The following MCTP2 variants were observed in gnomAD, a reference collection of about 807,000 sequenced individuals.
The protein encoded by MCTP2 is multiple C2 and transmembrane domain-containing protein 2.
Under a neutral mutation model 111.6 loss-of-function variants are expected in MCTP2, and 132 were observed. That is an observed-to-expected ratio of 1.18 (90% CI 1.03 to 1.37). MCTP2 has a LOEUF of 1.37. Among genes scored for constraint, MCTP2 ranks in the 40% most tolerant of loss-of-function variants. The pLI, the probability that MCTP2 is intolerant of heterozygous loss-of-function variation, is 0.00. For synonymous variants in MCTP2, 395 were observed against 387.7 expected, an observed-to-expected ratio of 1.02 and a Z score of -0.22; for missense variants, 1,183 against 1,067.9, an observed-to-expected ratio of 1.11 and a Z score of -1.50.
intron 4 of MCTP2, 86 bp downstream of exon 4, chr15:94,315,723 C>A: frequency 1.1e-6 from 1 of 942,218 alleles, no homozygotes; most frequent in Non-Finnish European, 1.7e-6. Context: ...CAGGCTTTGA[C>A]ATCACAGCAT....
chr15:94,437,122 AAAAGTATTTC>A, intron 17 of MCTP2, among the ~76,000 whole-genome samples: 1 of 150,398 alleles, frequency 6.6e-6, no homozygotes, highest in East Asian at 2.0e-4. Flanking sequence ...CATTGATCCA[AAAAGTATTTC>A]AAAAATTTCA....
chr15:94,324,966 A>T (rs2076791576), intron 4 of MCTP2, among the ~76,000 whole-genome samples: 1 of 152,210 alleles, frequency 6.6e-6, no homozygotes, highest in African/African-American at 2.4e-5. Flanking sequence ...GCAGCGGTGT[A>T]GCTTCCCAAC....
At chr15:94,293,805 G>A (rs981449915) in intron 1 of MCTP2, among the ~76,000 whole-genome samples, 2 of 152,164 alleles carry the variant, frequency 1.3e-5, no homozygotes, top group African/African-American at 4.8e-5. Flanking sequence ...AGAGTTATCA[G>A]GTTCTTTATA....
At chr15:94,338,488 A>AT (rs201502636) in intron 4 of MCTP2, among the ~76,000 whole-genome samples, 43,379 of 133,882 alleles carry the variant, frequency 0.32, 7,227 homozygotes, top group Admixed American at 0.38. Flanking sequence ...GTTTGCAGGC[A>AT]TTTTTTTTTT....
intron 22 of MCTP2, among the ~76,000 whole-genome samples, chr15:94,478,452 A>T (rs1020358031): frequency 1.3e-5 from 2 of 152,246 alleles, no homozygotes; most frequent in African/African-American, 2.4e-5. Flanking sequence ...TTTAGTCATT[A>T]CATTGCAAAT....
At chr15:94,357,481 C>A (rs998992539) in intron 9 of MCTP2, among the ~76,000 whole-genome samples, 8 of 151,834 alleles carry the variant, frequency 5.3e-5, no homozygotes, top group Non-Finnish European at 8.8e-5. Flanking sequence ...AGAATTAGTT[C>A]AGTATCTGCT....
intron 1 of MCTP2, among the ~76,000 whole-genome samples, chr15:94,233,626 A>G (rs1325023700): frequency 2.0e-5 from 3 of 152,074 alleles, no homozygotes; most frequent in African/African-American, 4.8e-5. Context: ...CCTTAAACCT[A>G]TTTCCAGAAG....
In MCTP2 at chr15:94,356,251, A is replaced by G. The variant is rs764700909; in HGVS notation, c.1120A>G (p.Thr374Ala). 3.1e-6 allele frequency: 5 copies of G among 1,612,946 alleles called. No homozygotes were observed. In the East Asian group the frequency reaches 8.9e-5, roughly 29 times the overall value. Residue 374 changes from threonine to alanine, a missense_variant, in exon 9 of 23, where the codon ACA becomes GCA. Physicochemically the swap from Thr to Ala is moderately conservative, Grantham distance 58. Transcript: ENST00000357742. ...GAAGAATGTCTCAGGAGGAAGCATG[A>G]CAGAGATGTTTGTCCAGTTAAAACT... ...EGKNVSGGSM[T>A]EMFVQLKLGD...
At chr15:94,376,404 T>C (rs1291881215) in intron 12 of MCTP2, among the ~76,000 whole-genome samples, 11 of 152,186 alleles carry the variant, frequency 7.2e-5, no homozygotes, top group African/African-American at 2.7e-4. Context: ...TTAATCCCTA[T>C]GTCTAATGAC....
chr15:94,256,359 G>C (rs1021999365), intron 1 of MCTP2, among the ~76,000 whole-genome samples: 56 of 152,170 alleles, frequency 3.7e-4, no homozygotes, highest in African/African-American at 1.2e-3. Context: ...GAAATACTCT[G>C]GTCCCAAGCA....
Position 94,367,486 on chromosome 15 carries a change from C to G in MCTP2, c.1302-119C>G, listed in dbSNP as rs2079251599. ...GGGCAACCTTTGCTGCTCAATAAAC[C>G]TAAGACCAGACAGAGTGAGTTTTGG... On this transcript the variant is annotated intron_variant, in intron 10 of 22. Coordinates refer to ENST00000357742, the MANE Select transcript of MCTP2 (RefSeq NM_001385001.1). The G allele has an allele frequency of 5.2e-6, 4 of 773,016 alleles. No homozygotes were observed. In the Admixed American group the frequency reaches 1.1e-4, roughly 21 times the overall value. 47.9% of individuals were successfully genotyped at this position (773,016 alleles called of 1,614,324 possible). A position where few individuals can be genotyped will look rare whatever the true frequency, so the allele number is the denominator to read the frequency against.
At chr15:94,402,691 C>G in intron 17 of MCTP2, 1 of 1,473,384 alleles carries the variant, frequency 6.8e-7, no homozygotes, top group Non-Finnish European at 9.0e-7. Flanking sequence ...AGGGCATTTT[C>G]TCTCATTTGT....
chr15:94,315,014 TG>T, intron 3 of MCTP2: 1 of 320,820 alleles, frequency 3.1e-6, no homozygotes, highest in South Asian at 2.6e-5. Context: ...TGTGGGCTTG[TG>T]GGGGCATCAG....
Position 94,398,984 on chromosome 15 carries a change from T to A in MCTP2, c.1812T>A (p.Cys604Ter), listed in dbSNP as rs149096285. ...AGATTAGAGATGGACAACCGAATTG[T>A]TATGTACTAAAGAATAAAGATTTAG... ...LLSIRDGQPN[C>*]YVLKNKDLEQ... The change falls in exon 15 of 23, where the codon TGT (cysteine) becomes TGA (stop). Residue 604 changes from cysteine (C) to a stop codon, truncating the protein, a stop_gained. Coordinates refer to ENST00000357742, the MANE Select transcript of MCTP2 (RefSeq NM_001385001.1). LOFTEE classifies it high-confidence loss of function. 6.4e-7 allele frequency: 1 copy of A among 1,559,236 alleles called. No individual in the cohort carries two copies. The highest frequency in any genetic ancestry group is 2.2e-5 in the East Asian group (1 of 44,540).
At chr15:94,400,409 G>T (rs561423534) in intron 16 of MCTP2, among the ~76,000 whole-genome samples, 1 of 152,212 alleles carries the variant, frequency 6.6e-6, no homozygotes, top group East Asian at 1.9e-4. Context: ...TAACCCAGCA[G>T]ATCTTCAGAG....
At chr15:94,312,822 G>A (rs994295921) in intron 2 of MCTP2, among the ~76,000 whole-genome samples, 1 of 152,130 alleles carries the variant, frequency 6.6e-6, no homozygotes, top group Non-Finnish European at 1.5e-5. Flanking sequence ...GTCCTTGTTT[G>A]CAGCTCCTCA....
At chr15:94,245,144 A>G (rs984123271) in intron 1 of MCTP2, among the ~76,000 whole-genome samples, 2 of 148,642 alleles carry the variant, frequency 1.3e-5, no homozygotes, top group Non-Finnish European at 3.0e-5. Context: ...ATATATTTAT[A>G]CACACATGTT....
chr15:94,468,267 G>A (rs181006849), intron 20 of MCTP2, among the ~76,000 whole-genome samples: 14 of 151,940 alleles, frequency 9.2e-5, no homozygotes, highest in Admixed American at 6.6e-4. Flanking sequence ...TATTCTGCAA[G>A]TTTTTAATTC....
intron 1 of MCTP2, among the ~76,000 whole-genome samples, chr15:94,241,701 T>C (rs2070972553): frequency 6.6e-6 from 1 of 152,154 alleles, no homozygotes; most frequent in African/African-American, 2.4e-5. Flanking sequence ...AGTGGTTCCT[T>C]TGTGGAGATG....
Sources: gnomAD v4.1 joint callset for allele counts (sites outside exome capture counted in the v4.1 genomes callset) on GRCh38, gnomAD v4.1.1 for gene constraint, MANE v1.5 for transcripts, NCBI Gene and HGNC (gene_info 2026-07-23, HGNC 2026-07-21) for gene names.